Variants in ATP13A1 observed in about 807,000 individuals in gnomAD.
ATP13A1 encodes endoplasmic reticulum transmembrane helix translocase.
In ATP13A1, 55 loss-of-function variants were observed where a neutral mutation model predicts 134.8. The ratio of observed to expected loss-of-function variants is 0.41; its 90% CI spans 0.33 to 0.51. ATP13A1 has a LOEUF of 0.51. Ranked by LOEUF, ATP13A1 falls within the 20% of genes least tolerant of loss-of-function variation. The probability of loss-of-function intolerance (pLI) is 0.29; values close to 1 mark genes in which losing one functional copy is unlikely to be tolerated. For missense variants in ATP13A1, 1,389 were observed against 1,652.8 expected, an observed-to-expected ratio of 0.84 and a Z score of 2.77; for synonymous variants, 775 against 725.1, an observed-to-expected ratio of 1.07 and a Z score of -1.10.
chr19:19,660,913 T>C (rs1019803291), intron 1 of ATP13A1, among the ~76,000 whole-genome samples: 8 of 150,736 alleles, frequency 5.3e-5, no homozygotes, highest in African/African-American at 1.2e-4. Context: ...ACCCCGTCTC[T>C]ACTAAAAATA....
chr19:19,649,442 CT>C, intron 19 of ATP13A1, 124 bp downstream of exon 19: 1 of 1,026,448 alleles, frequency 9.7e-7, no homozygotes, highest in Non-Finnish European at 1.5e-6. Flanking sequence ...TTGCCACCCC[CT>C]CCCATCCTCA....
Position 19,653,481 on chromosome 19 carries a change from G to A in ATP13A1, c.2100+303C>T, listed in dbSNP as rs1568427498. On this transcript the variant is annotated intron_variant, in intron 15 of 25. Transcript: ENST00000357324. The surrounding 1 kb of genome is among the most constrained non-coding windows in gnomAD (Gnocchi z 4.2). ...TGGGCTTTGTGGAGGATGGATGGGT[G>A]AGAGGGCTGAGGATGCCACCTAGCC... is the stretch of plus-strand genomic sequence containing the variant. 2.3e-6 allele frequency: 1 copy of A among 428,860 alleles called. No individual in the cohort carries two copies. Among genetic ancestry groups the A allele is most frequent in the Admixed American group, 4.1e-5 (1 of 24,212 alleles). The allele number at this position is 428,860 out of a possible 1,614,324, so 26.6% of individuals were successfully genotyped here. A position where few individuals can be genotyped will look rare whatever the true frequency, so the allele number is the denominator to read the frequency against.
chr19:19,649,083 T>C (rs1168690197), intron 19 of ATP13A1, among the ~76,000 whole-genome samples: 10 of 151,722 alleles, frequency 6.6e-5, no homozygotes, highest in African/African-American at 1.5e-4. Context: ...GATCGTGCCA[T>C]TGTACTCCAG....
In ATP13A1 at chr19:19,651,693, C is replaced by T. The variant is rs1238614387; in HGVS notation, c.2331G>A (p.Glu777=). The T allele has an allele frequency of 2.5e-6, 4 of 1,610,822 alleles. No homozygotes were observed. Among genetic ancestry groups the T allele is most frequent in the South Asian group, 1.1e-5 (1 of 90,792 alleles). ...AHTLILQPPS[E]KGRQCEWRSI... ...TGGGCCAGGCTAGGGCCTCACCTTT[C>T]TCGGAGGGAGGCTGCAGGATCAGCG... The change falls in exon 17 of 26, where the codon GAG becomes GAA. Residue 777 remains glutamate, a synonymous_variant. Transcript: ENST00000357324.
Position 19,663,442 on chromosome 19 carries a change from G to A in ATP13A1, c.225C>T (p.Tyr75=). ...LTVLPFAGLL[Y]PAWLGAAAAG... ...CGGCTGCGGCACCCAACCAGGCCGG[G>A]TAAAGCAGCCCGGCGAATGGCAGCA... The change falls in exon 1 of 26, where the codon TAC becomes TAT. Residue 75 remains tyrosine, a synonymous_variant. Transcript: ENST00000357324. The A allele has an allele frequency of 4.5e-6, 7 of 1,560,900 alleles. No individual in the cohort carries two copies. Among genetic ancestry groups the A allele is most frequent in the South Asian group, 1.2e-5 (1 of 85,672 alleles).
rs370209356 is a variant in ATP13A1, at chr19:19,652,394, G to A, written c.2226+201C>T. On this transcript the variant is annotated intron_variant, in intron 16 of 25. Transcript: ENST00000357324. The stretch of plus-strand genomic sequence containing the variant: ...ATGCGGGGAGTGAAGGGAGTGGTCT[G>A]TGGAGGAGAGAGGAGCCAGCACAGG... 1.6e-3 allele frequency among the ~76,000 whole-genome samples: 249 copies of A among 152,328 alleles called. 2 individuals are homozygous for A. Among genetic ancestry groups the A allele is most frequent in the African/African-American group, 5.9e-3 (245 of 41,568 alleles).
chr19:19,663,651 C>T lies in ATP13A1; in HGVS notation c.16G>A (p.Ala6Thr), dbSNP rs1389193470. The T allele has an allele frequency of 1.6e-6, 2 of 1,289,056 alleles. No homozygotes were observed. The highest frequency in any genetic ancestry group is 3.9e-5 in the Admixed American group (1 of 25,868). 79.9% of individuals were successfully genotyped at this position (1,289,056 alleles called of 1,614,324 possible). Residue 6 changes from alanine (A) to threonine (T), a missense_variant, in exon 1 of 26, where the codon GCG becomes ACG. By Grantham distance (58) the Ala-to-Thr change is moderately conservative (BLOSUM62 0). Transcript: ENST00000357324. The part of the protein sequence containing the change: MAAAA[A>T]VGNAVPCGAR... The stretch of plus-strand genomic sequence containing the variant: ...CCGCAGGGCACCGCGTTGCCCACCG[C>T]CGCCGCTGCCGCCATCTTTCCTAGC...
chr19:19,658,373 C>T (rs1313494365), intron 3 of ATP13A1, among the ~76,000 whole-genome samples: 1 of 152,100 alleles, frequency 6.6e-6, no homozygotes, highest in Non-Finnish European at 1.5e-5. Flanking sequence ...AAGCCCTTCC[C>T]TTGTATCTTG....
rs755519879 is a variant in ATP13A1 at position 19,647,346 on chromosome 19, AGGTGTG to A, written c.2909-27_2909-22del. 2.8e-6 allele frequency: 4 copies of A among 1,413,212 alleles called. No homozygotes were observed. The highest frequency in any genetic ancestry group is 1.9e-4 in the Middle Eastern group (1 of 5,328). 87.5% of individuals were successfully genotyped at this position (1,413,212 alleles called of 1,614,324 possible). A position where few individuals can be genotyped will look rare whatever the true frequency, so the allele number is the denominator to read the frequency against. ...GCAGACTGCAGGGTGGTGGGGAGGC[AGGTGTG>A]GGTGTGGGTAGGGGTGCCAAGGGGG... is the stretch of plus-strand genomic sequence containing the variant. On this transcript the variant is annotated intron_variant, in intron 21 of 25. Coordinates refer to ENST00000357324, the MANE Select transcript of ATP13A1 (RefSeq NM_020410.3). The surrounding 1 kb of genome is among the most constrained non-coding windows in gnomAD (Gnocchi z 4.8).
At chr19:19,652,856 T>G (rs780444188) in intron 15 of ATP13A1, 136 bp from the exon 16 acceptor site, 6 of 1,271,228 alleles carry the variant, frequency 4.7e-6, no homozygotes, top group Non-Finnish European at 6.3e-6. Flanking sequence ...CATGCGAGGG[T>G]TGGGAGGGGA....
chr19:19,660,067 C>T (rs1307108481), intron 1 of ATP13A1, 80 bp from the exon 2 acceptor site: 11 of 1,225,210 alleles, frequency 9.0e-6, no homozygotes, highest in East Asian at 2.5e-5. Flanking sequence ...GTTTTGGGTG[C>T]AGCAGCTCTA....
rs2062051930 is a variant in ATP13A1, at chr19:19,655,534, T to G, written c.1390A>C (p.Ile464Leu). The change falls in exon 10 of 26, where the codon ATT becomes CTT. Residue 464 changes from isoleucine (I) to leucine (L), a missense_variant. Physicochemically the swap from Ile to Leu is conservative, Grantham distance 5 (BLOSUM62 2). This residue lies in a region of ATP13A1 where 747 missense variants were observed against 956.1 expected (regional missense o/e 0.78). Transcript: ENST00000357324. This position sits in a 1 kb window ranked among gnomAD's most constrained non-coding sequence, Gnocchi z 5.7. ...FAIAAAAYVW[I>L]EGTKDPSRNR... ...CAGAGGCCGTGGCGCTTACCTTCAA[T>G]CCATACATAGGCAGCTGCAGCGATG... 6.2e-7 allele frequency: 1 copy of G among 1,613,760 alleles called. No homozygotes were observed. The highest frequency in any genetic ancestry group is 1.1e-5 in the South Asian group (1 of 91,086).
intron 3 of ATP13A1, among the ~76,000 whole-genome samples, chr19:19,658,895 G>T (rs903448405): frequency 8.6e-5 from 13 of 151,872 alleles, no homozygotes; most frequent in African/African-American, 2.9e-4. Context: ...TTGAGGCCAG[G>T]AGTTTGAGAC....
intron 1 of ATP13A1, among the ~76,000 whole-genome samples, chr19:19,660,329 C>T (rs2062086492): frequency 6.6e-6 from 1 of 151,948 alleles, no homozygotes; most frequent in Non-Finnish European, 1.5e-5. Context: ...TAAAAATACA[C>T]AAATGAGCCG....
chr19:19,647,773 G>A lies in ATP13A1; in HGVS notation c.2633-14C>T. ...AGAGCGCCACACCTGGGGGGCAGGA[G>A]GGTGTCAGACCCGGAGGAGCAGGCT... On this transcript the variant is annotated splice_polypyrimidine_tract_variant and intron_variant, in intron 19 of 25. Coordinates refer to ENST00000357324, the MANE Select transcript of ATP13A1 (RefSeq NM_020410.3). This position sits in a 1 kb window ranked among gnomAD's most constrained non-coding sequence, Gnocchi z 4.8. 3.8e-6 allele frequency: 6 copies of A among 1,583,786 alleles called. No individual in the cohort carries two copies. The highest frequency in any genetic ancestry group is 5.1e-6 in the Non-Finnish European group (6 of 1,171,256).
Position 19,656,577 on chromosome 19 carries a change from G to T in ATP13A1, c.1083+83C>A. On this transcript the variant is annotated intron_variant, in intron 7 of 25. Coordinates refer to ENST00000357324, the MANE Select transcript of ATP13A1 (RefSeq NM_020410.3). This position sits in a 1 kb window ranked among gnomAD's most constrained non-coding sequence, Gnocchi z 4.6. ...TGCCTCCTCCGCCTGTGCCTGAGGG[G>T]GATCCCCGCCACCCCCTGGGCCTCC... 3 of 1,415,872 alleles carry T rather than the reference G, an allele frequency of 2.1e-6. No homozygotes were observed. Among genetic ancestry groups the T allele is most frequent in the South Asian group, 2.5e-5 (2 of 78,938 alleles). 87.7% of individuals were successfully genotyped at this position (1,415,872 alleles called of 1,614,324 possible).
rs749938947 is a variant in ATP13A1 at position 19,645,611 on chromosome 19, G to A, written c.3504+36C>T. 6.4e-6 allele frequency: 10 copies of A among 1,560,736 alleles called. No homozygotes were observed. The African/African-American group carries it at 1.2e-4, about 19-fold the overall frequency. On this transcript the variant is annotated intron_variant, in intron 25 of 25. Transcript: ENST00000357324. This position sits in a 1 kb window ranked among gnomAD's most constrained non-coding sequence, Gnocchi z 4.1. ...CACTGCCATAGGAGGGACCCATCAA[G>A]CTGAGCCCCAGGGTCACCTCCACAG... is the stretch of plus-strand genomic sequence containing the variant.
intron 16 of ATP13A1, among the ~76,000 whole-genome samples, chr19:19,652,170 G>A (rs1310997646): frequency 6.6e-6 from 1 of 152,028 alleles, no homozygotes; most frequent in Non-Finnish European, 1.5e-5. Flanking sequence ...GTGACCCAGA[G>A]CCATCATCCT....
chr19:19,649,724 T>G lies in ATP13A1; in HGVS notation c.2535+17A>C. The G allele has an allele frequency of 6.2e-7, 1 of 1,611,742 alleles. No homozygotes were observed. Among genetic ancestry groups the G allele is most frequent in the Non-Finnish European group, 8.5e-7 (1 of 1,178,834 alleles). On this transcript the variant is annotated intron_variant, in intron 18 of 25. Coordinates refer to ENST00000357324, the MANE Select transcript of ATP13A1 (RefSeq NM_020410.3). Reference sequence around the variant, plus strand: ...TGCCTACCGCTGTGCCCCTGACCCCTAGGGCTGTGCACATACCTTCTGCTT... The same window carrying G: ...TGCCTACCGCTGTGCCCCTGACCCCGAGGGCTGTGCACATACCTTCTGCTT...
Sources: gnomAD v4.1 joint callset for allele counts (sites outside exome capture counted in the v4.1 genomes callset) on GRCh38, gnomAD v4.1.1 for gene constraint, gnomAD v4.1.1 regional missense constraint, Gnocchi (gnomAD v3.1) non-coding constraint, MANE v1.5 for transcripts, NCBI Gene and HGNC (gene_info 2026-07-23, HGNC 2026-07-21) for gene names.